Variants in SOX5 observed in about 807,000 individuals in gnomAD.
SOX5 encodes transcription factor SOX-5.
Under a neutral mutation model 92.0 loss-of-function variants are expected in SOX5, and 9 were observed. The ratio of observed to expected loss-of-function variants is 0.10; its 90% CI spans 0.06 to 0.17. The LOEUF is 0.17. Ranked by LOEUF, SOX5 falls within the 10% of genes least tolerant of loss-of-function variation. The pLI, the probability that SOX5 is intolerant of heterozygous loss-of-function variation, is 1.00. For synonymous variants in SOX5, 344 were observed against 336.3 expected (o/e 1.02, Z -0.25); for missense variants, 642 against 944.5 (o/e 0.68, Z 4.20).
chr12:24,294,902 C>A (rs781568626), intron 2 of SOX5, among the ~76,000 whole-genome samples: 7 of 152,168 alleles, frequency 4.6e-5, no homozygotes, highest in Non-Finnish European at 8.8e-5. Context: ...TTTTCTGAAA[C>A]CTTTCCTGTT....
intron 6 of SOX5, among the ~76,000 whole-genome samples, chr12:23,700,859 T>C (rs12578268): frequency 0.16 from 24,880 of 151,808 alleles, 2,081 homozygotes; most frequent in Middle Eastern, 0.22. Context: ...ATTTTTATTA[T>C]ATTGATAGCT....
chr12:23,602,049 T>A (rs2074572163), intron 9 of SOX5, among the ~76,000 whole-genome samples: 1 of 152,172 alleles, frequency 6.6e-6, no homozygotes, highest in African/African-American at 2.4e-5. Flanking sequence ...ATAAACCACA[T>A]AAAGTTTTCT....
chr12:24,224,437 T>C (rs1468961809), intron 3 of SOX5, among the ~76,000 whole-genome samples: 2 of 152,208 alleles, frequency 1.3e-5, no homozygotes, highest in Admixed American at 1.3e-4. Context: ...TTCCTTATTT[T>C]TGCTTAATAT....
chr12:24,009,950 T>A (rs1952720618), intron 4 of SOX5, among the ~76,000 whole-genome samples: 1 of 152,178 alleles, frequency 6.6e-6, no homozygotes, highest in South Asian at 2.1e-4. Context: ...ATATTGTCAG[T>A]CTTGGCCTCT....
intron 3 of SOX5, among the ~76,000 whole-genome samples, chr12:23,780,950 A>G (rs1015366708): frequency 6.6e-6 from 1 of 152,014 alleles, no homozygotes; most frequent in Non-Finnish European, 1.5e-5. Context: ...AATTTCTGAA[A>G]GGGAGGAAGA....
chr12:23,936,834 T>C (rs1252808008), intron 1 of SOX5, among the ~76,000 whole-genome samples: 1 of 151,088 alleles, frequency 6.6e-6, no homozygotes. Context: ...TAAAACTTAG[T>C]AAGATATTTT....
At chr12:24,084,820 A>G (rs114107883) in intron 4 of SOX5, among the ~76,000 whole-genome samples, 121 of 152,252 alleles carry the variant, frequency 7.9e-4, no homozygotes, top group African/African-American at 2.9e-3. Context: ...ACCTATCACT[A>G]CATGTTTTAC....
intron 3 of SOX5, chr12:24,213,421 A>G (rs1349635723): frequency 6.9e-3 from 30 of 4,330 alleles, no homozygotes; most frequent in Non-Finnish European, 0.013. Flanking sequence ...TGAAATGCTA[A>G]AAAAAAAAAA....
chr12:24,074,501 G>A (rs972193991), intron 4 of SOX5, among the ~76,000 whole-genome samples: 5 of 151,782 alleles, frequency 3.3e-5, no homozygotes, highest in African/African-American at 1.2e-4. Flanking sequence ...AATGACAAGA[G>A]TAGTGACAGA....
At chr12:24,011,940 G>T (rs1006020042) in intron 4 of SOX5, among the ~76,000 whole-genome samples, 1 of 151,962 alleles carries the variant, frequency 6.6e-6, no homozygotes, top group Non-Finnish European at 1.5e-5. Flanking sequence ...AAAAAGAAAA[G>T]GTTAAACTGA....
chr12:23,839,602 G>T lies in SOX5; in HGVS notation c.481+6381C>A, dbSNP rs2096486367. On this transcript the variant is annotated intron_variant, in intron 3 of 14. Coordinates refer to ENST00000451604, the MANE Select transcript of SOX5 (RefSeq NM_006940.6). ...AAAAATCCTCAATAAAATATTAACT[G>T]ATCAAATCCAACAATCTATCAAAAT... Among the ~76,000 whole-genome samples the T allele has an allele frequency of 4.6e-5, 7 of 151,964 alleles. No individual in the cohort carries two copies. In the South Asian group the frequency reaches 1.5e-3, roughly 32 times the overall value.
chr12:23,607,120 C>T (rs537587366), intron 8 of SOX5, among the ~76,000 whole-genome samples: 1 of 152,290 alleles, frequency 6.6e-6, no homozygotes, highest in East Asian at 1.9e-4. Flanking sequence ...TTACTCTTCT[C>T]CAACTGTGAT....
intron 3 of SOX5, among the ~76,000 whole-genome samples, chr12:24,216,726 AG>A (rs1426974227): frequency 2.0e-5 from 3 of 152,186 alleles, no homozygotes; most frequent in African/African-American, 7.2e-5. Flanking sequence ...CAGGAGTTTA[AG>A]ACCAGCCCTG....
chr12:24,226,661 G>T (rs1258299942), intron 3 of SOX5, among the ~76,000 whole-genome samples: 1 of 151,886 alleles, frequency 6.6e-6, no homozygotes, highest in Admixed American at 6.6e-5. Context: ...AGTAGAGTTG[G>T]GGTTTCATCA....
chr12:23,759,394 T>TG, intron 3 of SOX5, among the ~76,000 whole-genome samples: 2 of 152,108 alleles, frequency 1.3e-5, no homozygotes, highest in Admixed American at 1.3e-4. Flanking sequence ...TCCAAGACAG[T>TG]GACACTGGCT....
intron 1 of SOX5, among the ~76,000 whole-genome samples, chr12:24,455,638 C>T (rs1401534853): frequency 2.0e-5 from 3 of 152,138 alleles, no homozygotes; most frequent in African/African-American, 7.2e-5. Flanking sequence ...TTAGCATTTC[C>T]CTAAACATCC....
chr12:24,330,335 A>G (rs1395630336), intron 2 of SOX5, among the ~76,000 whole-genome samples: 1 of 152,188 alleles, frequency 6.6e-6, no homozygotes, highest in South Asian at 2.1e-4. Flanking sequence ...ACCTAAAAGA[A>G]ATGTTCAAGA....
chr12:24,217,540 T>A (rs1425155528), intron 3 of SOX5, among the ~76,000 whole-genome samples: 5 of 152,168 alleles, frequency 3.3e-5, no homozygotes, highest in African/African-American at 1.2e-4. Context: ...ACTATAAAAG[T>A]CTTAGAAGAA....
At position 24,464,672 on chromosome 12, in the gene SOX5, T is replaced by C. The variant is rs549996574; in HGVS notation, c.-250-96033A>G. On this transcript the variant is annotated intron_variant, in intron 1 of 4. Coordinates refer to the SOX5 transcript ENST00000446891. ...GTTAATGTTTTTTGAGAAGTTACTA[T>C]GTGCACGCACTCTTCTAATCACTTT... Among the ~76,000 whole-genome samples the C allele has an allele frequency of 2.0e-5, 3 of 152,316 alleles. No homozygotes were observed. The East Asian group carries it at 5.8e-4, about 29-fold the overall frequency.
Sources: gnomAD v4.1 joint callset for allele counts (sites outside exome capture counted in the v4.1 genomes callset) on GRCh38, gnomAD v4.1.1 for gene constraint, MANE v1.5 for transcripts, NCBI Gene and HGNC (gene_info 2026-07-23, HGNC 2026-07-21) for gene names.